DHX33: variants seen among roughly 807,000 people sequenced by gnomAD.
DHX33 encodes ATP-dependent RNA helicase DHX33.
DHX33 carries 42 observed loss-of-function variants against 72.5 expected under a neutral mutation model. The ratio of observed to expected loss-of-function variants is 0.58; its 90% CI spans 0.45 to 0.75. The LOEUF is 0.75. Among genes scored for constraint, DHX33 ranks in the 30% least tolerant of loss-of-function variants. DHX33 has a pLI of 0.00. For synonymous variants in DHX33, 358 were observed against 366.1 expected (o/e 0.98, Z 0.25); for missense variants, 842 against 917.5 (o/e 0.92, Z 1.06).
At chr17:5,466,309 A>C (rs1385506533) in intron 1 of DHX33, among the ~76,000 whole-genome samples, 1 of 152,234 alleles carries the variant, frequency 6.6e-6, no homozygotes, top group Non-Finnish European at 1.5e-5. Flanking sequence ...GAGCACACTG[A>C]AAGTAGGCTG....
At chr17:5,445,764 G>A (rs918067324) in intron 11 of DHX33, among the ~76,000 whole-genome samples, 11 of 152,214 alleles carry the variant, frequency 7.2e-5, no homozygotes, top group African/African-American at 2.7e-4. Flanking sequence ...AAGGGAAGGA[G>A]GCACGCAGAG....
rs1033380078 is a variant in DHX33, at chr17:5,441,306, G to A, written c.*2899C>T. On this transcript the variant is annotated 3_prime_UTR_variant, in exon 12 of 12. Transcript: ENST00000225296. Reference sequence around the variant, plus strand: ...TAAGGGTTTTTAGCCAGGACCTGCTGTTTGCAGTCCTGCCCCTTGTAGTGT... The same window carrying A: ...TAAGGGTTTTTAGCCAGGACCTGCTATTTGCAGTCCTGCCCCTTGTAGTGT... 1 of 152,176 alleles carries A rather than the reference G, an allele frequency of 6.6e-6. No individual in the cohort carries two copies. The highest frequency in any genetic ancestry group is 1.5e-5 in the Non-Finnish European group (1 of 68,032). The allele number at this position is 152,176 out of a possible 1,614,324, so 9.4% of individuals were successfully genotyped here.
chr17:5,461,306 C>CA, intron 3 of DHX33, 197 bp from the exon 4 acceptor site: 3 of 279,050 alleles, frequency 1.1e-5, no homozygotes, highest in Non-Finnish European at 1.2e-5. Flanking sequence ...TCCTTTCCTT[C>CA]TTTTTTTTTT....
intron 2 of DHX33, among the ~76,000 whole-genome samples, chr17:5,463,099 G>C (rs1904716933): frequency 1.3e-5 from 2 of 151,938 alleles, no homozygotes; most frequent in African/African-American, 4.8e-5. Context: ...AGTTTCATGT[G>C]AAGCTATGTA....
chr17:5,461,341 CG>C (rs2151690788), intron 3 of DHX33: 1 of 296,278 alleles, frequency 3.4e-6, no homozygotes, highest in East Asian at 5.8e-5. Context: ...TCACCGGGCA[CG>C]GTGGCTCACG....
At chr17:5,458,467 G>T (rs990687941) in intron 4 of DHX33, among the ~76,000 whole-genome samples, 1 of 152,078 alleles carries the variant, frequency 6.6e-6, no homozygotes, top group African/African-American at 2.4e-5. Context: ...ATCATAATAG[G>T]CCAGACACAG....
In DHX33 at chr17:5,468,946, C is replaced by T; in HGVS notation, c.-87G>A. The stretch of plus-strand genomic sequence containing the variant: ...AGACAACAGGAGCACACCGCCCCTT[C>T]CTCGCCGCCACGTGCTGGCGGCTCC... On this transcript the variant is annotated 5_prime_UTR_variant, in exon 1 of 12. Transcript: ENST00000225296. The T allele has an allele frequency of 1.5e-6, 2 of 1,352,728 alleles. No homozygotes were observed. Among genetic ancestry groups the T allele is most frequent in the Non-Finnish European group, 2.0e-6 (2 of 994,350 alleles). 83.8% of individuals were successfully genotyped at this position (1,352,728 alleles called of 1,614,324 possible).
chr17:5,460,848 T>C, intron 4 of DHX33, 91 bp downstream of exon 4: 1 of 1,453,510 alleles, frequency 6.9e-7, no homozygotes, highest in Non-Finnish European at 9.3e-7. Flanking sequence ...AGTTGTTTTA[T>C]TCAGTAGCTT....
intron 8 of DHX33, among the ~76,000 whole-genome samples, chr17:5,452,686 C>G (rs1462714399): frequency 6.6e-6 from 1 of 152,070 alleles, no homozygotes. Flanking sequence ...CCACTGCACT[C>G]CAGCCTGGAC....
At chr17:5,455,421 G>A in intron 5 of DHX33, 150 bp from the exon 6 acceptor site, 2 of 687,938 alleles carry the variant, frequency 2.9e-6, no homozygotes, top group Non-Finnish European at 5.0e-6. Flanking sequence ...ATTAATGGTT[G>A]GTCATTAAAC....
At chr17:5,451,906 C>T (rs12602483) in intron 8 of DHX33, among the ~76,000 whole-genome samples, 23,147 of 151,992 alleles carry the variant, frequency 0.15, 1,810 homozygotes, top group East Asian at 0.21. Context: ...ATATACTATA[C>T]GGAACAAGCT....
At chr17:5,451,928 G>A (rs745871969) in intron 8 of DHX33, among the ~76,000 whole-genome samples, 1 of 152,148 alleles carries the variant, frequency 6.6e-6, no homozygotes, top group Non-Finnish European at 1.5e-5. Context: ...AATGAAAACC[G>A]CTTACTCAAG....
chr17:5,453,101 C>T (rs1917022596), intron 8 of DHX33, among the ~76,000 whole-genome samples: 2 of 152,242 alleles, frequency 1.3e-5, no homozygotes, highest in African/African-American at 4.8e-5. Flanking sequence ...GAAATGTGAT[C>T]TTTGCAGTCC....
At position 5,444,334 on chromosome 17, in the gene DHX33, G is replaced by A. The variant is rs1385484613; in HGVS notation, c.1995C>T (p.Cys665=). 8.1e-6 allele frequency: 13 copies of A among 1,613,970 alleles called. No individual in the cohort carries two copies. Among genetic ancestry groups the A allele is most frequent in the Admixed American group, 1.7e-5 (1 of 59,998 alleles). Residue 665 remains cysteine (C), a synonymous_variant, in exon 12 of 12, where the codon TGC becomes TGT. Coordinates refer to ENST00000225296, the MANE Select transcript of DHX33 (RefSeq NM_020162.4). The surrounding 1 kb of genome is among the most constrained non-coding windows in gnomAD (Gnocchi z 4.9). ...TGTAGAGCAGCTCAGTGTACACGAC[G>A]CAGGCCGGCTTGCAGTGGAAGAGGA... ...SSVLFHCKPA[C]VVYTELLYTN... is the part of the protein sequence containing the mutation.
chr17:5,450,892 G>A lies in DHX33; in HGVS notation c.1439C>T (p.Ala480Val). 6.2e-7 allele frequency: 1 copy of A among 1,614,112 alleles called. No homozygotes were observed. Among genetic ancestry groups the A allele is most frequent in the Non-Finnish European group, 8.5e-7 (1 of 1,180,032 alleles). The change falls in exon 9 of 12, where the codon GCT becomes GTT. Residue 480 changes from alanine (A) to valine (V), a missense_variant. By Grantham distance (64) the Ala-to-Val change is moderately conservative (BLOSUM62 0). Transcript: ENST00000225296. ...AAGCTGGTCATCCTTATGTTCAAGA[G>A]CACCTAACAGGTCCAGTTGGGCAAT... ...AAIAQLDLLGALEHKDDQLTL... is the reference protein window; with the variant it reads ...AAIAQLDLLGVLEHKDDQLTL...
rs770618079 is a variant in DHX33 at position 5,443,041 on chromosome 17, A to T, written c.*1164T>A. 5 of 152,124 alleles carry T rather than the reference A, an allele frequency of 3.3e-5. No homozygotes were observed. The highest frequency in any genetic ancestry group is 7.4e-5 in the Non-Finnish European group (5 of 68,026). 9.4% of individuals were successfully genotyped at this position (152,124 alleles called of 1,614,324 possible). On this transcript the variant is annotated 3_prime_UTR_variant, in exon 12 of 12. Transcript: ENST00000225296. Reference sequence around the variant, plus strand: ...AAAAATATCATAGAAAATTAATAAGATGCAAGAATAAGTGTTACAGCTCTA... The same window carrying T: ...AAAAATATCATAGAAAATTAATAAGTTGCAAGAATAAGTGTTACAGCTCTA...
chr17:5,464,200 C>T (rs1904767103), intron 1 of DHX33, among the ~76,000 whole-genome samples: 1 of 151,932 alleles, frequency 6.6e-6, no homozygotes, highest in Non-Finnish European at 1.5e-5. Context: ...CGTGGTGGTG[C>T]ACGCCTGTGG....
chr17:5,455,848 T>C (rs1917166754), intron 5 of DHX33, 149 bp downstream of exon 5: 2 of 819,378 alleles, frequency 2.4e-6, no homozygotes. Context: ...CCGCGCATTT[T>C]ATTCCTGCAC....
At chr17:5,459,013 C>T (rs145117517) in intron 4 of DHX33, among the ~76,000 whole-genome samples, 21 of 152,120 alleles carry the variant, frequency 1.4e-4, no homozygotes, top group Admixed American at 2.0e-4. Flanking sequence ...GTCCGGGCAA[C>T]GTAGCAAGAC....
Sources: allele counts gnomAD v4.1 joint callset (sites outside exome capture counted in the v4.1 genomes callset), GRCh38; gene constraint gnomAD v4.1.1; non-coding constraint Gnocchi (gnomAD v3.1); transcripts MANE v1.5; gene names NCBI Gene and HGNC (gene_info 2026-07-23, HGNC 2026-07-21).